The following MCTP1 variants were observed in gnomAD, a reference collection of about 807,000 sequenced individuals.
MCTP1 encodes the protein multiple C2 and transmembrane domain-containing protein 1.
MCTP1 carries 69 observed loss-of-function variants against 120.6 expected under a neutral mutation model. The observed-to-expected ratio is 0.57, with a 90% CI of 0.47 to 0.70. MCTP1 has a LOEUF of 0.70. Ranked by LOEUF, MCTP1 falls within the 30% of genes least tolerant of loss-of-function variation. The pLI, the probability that MCTP1 is intolerant of heterozygous loss-of-function variation, is 0.00. For synonymous variants in MCTP1, 529 were observed against 493.1 expected, an observed-to-expected ratio of 1.07 and a Z score of -0.96; for missense variants, 1,203 against 1,248.8, an observed-to-expected ratio of 0.96 and a Z score of 0.55.
At chr5:95,065,949 G>C (rs1750556631) in intron 1 of MCTP1, among the ~76,000 whole-genome samples, 1 of 151,904 alleles carries the variant, frequency 6.6e-6, no homozygotes, top group Non-Finnish European at 1.5e-5. Context: ...TATCGGTGTG[G>C]GCAAGTGTTT....
chr5:94,727,706 T>C (rs1237545786), intron 19 of MCTP1, among the ~76,000 whole-genome samples: 1 of 152,216 alleles, frequency 6.6e-6, no homozygotes, highest in Non-Finnish European at 1.5e-5. Context: ...ATGACTTGAA[T>C]CCACCAAATG....
At chr5:94,774,654 C>A (rs913007245) in intron 19 of MCTP1, among the ~76,000 whole-genome samples, 2 of 152,182 alleles carry the variant, frequency 1.3e-5, no homozygotes, top group East Asian at 1.9e-4. Context: ...GACTTCTGAT[C>A]TACTGAACCG....
chr5:95,213,543 C>T (rs1752658320), intron 1 of MCTP1, among the ~76,000 whole-genome samples: 1 of 151,912 alleles, frequency 6.6e-6, no homozygotes, highest in Admixed American at 6.6e-5. Context: ...CAAAAAAGAG[C>T]CTGCATCGCC....
intron 17 of MCTP1, among the ~76,000 whole-genome samples, chr5:94,822,388 C>A (rs1384934393): frequency 6.6e-6 from 1 of 152,186 alleles, no homozygotes; most frequent in African/African-American, 2.4e-5. Context: ...AGGGCATGAA[C>A]TCATTATTTT....
intron 1 of MCTP1, among the ~76,000 whole-genome samples, chr5:95,224,409 C>T (rs1754030140): frequency 6.6e-6 from 1 of 152,098 alleles, no homozygotes; most frequent in Non-Finnish European, 1.5e-5. Context: ...CTAACACATC[C>T]CAAAGAATCA....
At chr5:94,929,743 C>G in intron 6 of MCTP1, 1 of 926,700 alleles carries the variant, frequency 1.1e-6, no homozygotes, top group Middle Eastern at 5.5e-4. Context: ...GTCAAACTTT[C>G]CCCCGATTTT....
At chr5:95,068,208 G>C (rs1342666541) in intron 1 of MCTP1, among the ~76,000 whole-genome samples, 3 of 152,066 alleles carry the variant, frequency 2.0e-5, no homozygotes, top group South Asian at 2.1e-4. Flanking sequence ...AATTTCTCAA[G>C]GGCAAGATAA....
At chr5:95,174,892 T>C (rs971247361) in intron 1 of MCTP1, among the ~76,000 whole-genome samples, 10 of 152,218 alleles carry the variant, frequency 6.6e-5, no homozygotes, top group South Asian at 4.1e-4. Flanking sequence ...CATTTGTATT[T>C]TTCTTCTTAC....
chr5:95,190,020 G>A (rs902149016), intron 1 of MCTP1, among the ~76,000 whole-genome samples: 1 of 152,120 alleles, frequency 6.6e-6, no homozygotes, highest in Non-Finnish European at 1.5e-5. Context: ...TATGCAAAGA[G>A]ATTGAAGCAT....
intron 1 of MCTP1, among the ~76,000 whole-genome samples, chr5:95,172,868 T>C (rs1413961035): frequency 6.6e-6 from 1 of 152,178 alleles, no homozygotes; most frequent in Non-Finnish European, 1.5e-5. Flanking sequence ...CAAAGGGCTC[T>C]GAGAGAACAC....
intron 1 of MCTP1, among the ~76,000 whole-genome samples, chr5:95,253,430 A>G (rs1342752838): frequency 1.3e-5 from 2 of 152,146 alleles, no homozygotes; most frequent in Non-Finnish European, 2.9e-5. Context: ...AACACATGAC[A>G]TACACTAGTT....
intron 18 of MCTP1, among the ~76,000 whole-genome samples, chr5:94,786,958 G>A (rs1777862775): frequency 6.6e-6 from 1 of 152,164 alleles, no homozygotes; most frequent in Admixed American, 6.5e-5. Flanking sequence ...GCTTGATTAA[G>A]TTGACATTTT....
intron 1 of MCTP1, among the ~76,000 whole-genome samples, chr5:95,226,520 C>T (rs555715970): frequency 6.6e-6 from 1 of 152,190 alleles, no homozygotes; most frequent in Non-Finnish European, 1.5e-5. Context: ...ACATCCACTG[C>T]CAATGCTTTC....
At chr5:95,245,148 C>A (rs540239381) in intron 1 of MCTP1, among the ~76,000 whole-genome samples, 1 of 152,232 alleles carries the variant, frequency 6.6e-6, no homozygotes, top group South Asian at 2.1e-4. Flanking sequence ...ACATCCACAC[C>A]AAAACCCCAT....
At chr5:95,107,872 A>G (rs1037553904) in intron 1 of MCTP1, among the ~76,000 whole-genome samples, 1 of 152,168 alleles carries the variant, frequency 6.6e-6, no homozygotes, top group Admixed American at 6.5e-5. Context: ...TTTAAGTTCC[A>G]GGATACATGT....
intron 1 of MCTP1, among the ~76,000 whole-genome samples, chr5:95,185,067 C>T (rs1055803048): frequency 4.6e-5 from 7 of 152,306 alleles, no homozygotes; most frequent in Non-Finnish European, 8.8e-5. Context: ...TTTTCCATTA[C>T]AGTTCCCCTG....
chr5:94,827,952 T>C (rs183310719), intron 17 of MCTP1, among the ~76,000 whole-genome samples: 2 of 152,224 alleles, frequency 1.3e-5, no homozygotes, highest in Non-Finnish European at 2.9e-5. Flanking sequence ...ACCCACCTTC[T>C]GAAGCCTACT....
intron 1 of MCTP1, among the ~76,000 whole-genome samples, chr5:95,231,517 C>G (rs1357737092): frequency 1.3e-5 from 2 of 151,890 alleles, no homozygotes; most frequent in African/African-American, 2.4e-5. Context: ...CAGTAATATC[C>G]AAAAAATAAG....
rs114779705 is a variant in MCTP1, at chr5:95,044,420, G to A, written c.721-26936C>T. Reference sequence around the variant, plus strand: ...TCTCTAAATGTTGCCCATTTCCCACGATGTGATCTTCAGTCCTTTTGCTCA... The same window carrying A: ...TCTCTAAATGTTGCCCATTTCCCACAATGTGATCTTCAGTCCTTTTGCTCA... On this transcript the variant is annotated intron_variant, in intron 1 of 22. Transcript: ENST00000515393. 8.3e-3 allele frequency among the ~76,000 whole-genome samples: 1,259 copies of A among 152,246 alleles called. 8 individuals carry two copies. The highest frequency in any genetic ancestry group is 0.012 in the Non-Finnish European group (848 of 68,008).
Sources: allele counts gnomAD v4.1 joint callset (sites outside exome capture counted in the v4.1 genomes callset), GRCh38; gene constraint gnomAD v4.1.1; transcripts MANE v1.5; gene names NCBI Gene and HGNC (gene_info 2026-07-23, HGNC 2026-07-21).